Variants in ERC2 observed in about 807,000 individuals in gnomAD.
ERC2 encodes ELKS/RAB6-interacting/CAST family member 2.
A neutral mutation model predicts 114.8 loss-of-function variants in ERC2; 42 were observed. The observed-to-expected ratio is 0.37, with a 90% CI of 0.29 to 0.47. The LOEUF (loss-of-function observed/expected upper bound fraction) is 0.47. ERC2 is among the 20% of genes least tolerant of loss of function. The pLI is 0.99. For missense variants in ERC2, 939 were observed against 1,150.7 expected, an observed-to-expected ratio of 0.82 and a Z score of 2.66; for synonymous variants, 454 against 425.5, an observed-to-expected ratio of 1.07 and a Z score of -0.82.
chr3:56,464,889 A>G (rs550689670), intron 1 of ERC2, among the ~76,000 whole-genome samples: 1 of 152,258 alleles, frequency 6.6e-6, no homozygotes, highest in African/African-American at 2.4e-5. Flanking sequence ...GAAAAAAGAA[A>G]AAAAAAAAGG....
intron 3 of ERC2, among the ~76,000 whole-genome samples, chr3:56,264,028 A>G (rs979774347): frequency 3.9e-5 from 6 of 152,234 alleles, no homozygotes; most frequent in Non-Finnish European, 5.9e-5. Flanking sequence ...GATACATCAC[A>G]TTAACAGAAT....
chr3:55,666,933 TAC>T (rs2061378438), intron 17 of ERC2, among the ~76,000 whole-genome samples: 2 of 144,886 alleles, frequency 1.4e-5, no homozygotes, highest in South Asian at 4.4e-4. Flanking sequence ...CCTATTAATA[TAC>T]ATAATATTAG....
chr3:55,909,402 C>A (rs1244027361), intron 13 of ERC2, among the ~76,000 whole-genome samples: 1 of 152,148 alleles, frequency 6.6e-6, no homozygotes, highest in Non-Finnish European at 1.5e-5. Flanking sequence ...GGTCTTTGTT[C>A]CCAAGAATCT....
intron 17 of ERC2, among the ~76,000 whole-genome samples, chr3:55,601,047 T>G (rs148800820): frequency 6.6e-6 from 1 of 152,254 alleles, no homozygotes; most frequent in African/African-American, 2.4e-5. Context: ...GGACGGGGGC[T>G]GGGGGTAACA....
intron 14 of ERC2, among the ~76,000 whole-genome samples, chr3:55,763,975 T>G (rs1330512442): frequency 1.3e-5 from 2 of 152,256 alleles, no homozygotes; most frequent in African/African-American, 2.4e-5. Context: ...TTTTAGTGCA[T>G]TCACTAACTC....
At chr3:56,029,021 G>C (rs1163870587) in intron 7 of ERC2, among the ~76,000 whole-genome samples, 1 of 151,998 alleles carries the variant, frequency 6.6e-6, no homozygotes, top group Non-Finnish European at 1.5e-5. Context: ...AATGGGTATT[G>C]AATTGTGTAA....
chr3:55,623,981 T>C (rs1403232009), intron 17 of ERC2, among the ~76,000 whole-genome samples: 3 of 152,210 alleles, frequency 2.0e-5, no homozygotes, highest in Non-Finnish European at 2.9e-5. Context: ...TCTTGCTTCA[T>C]GTATGATTGC....
At chr3:55,989,410 T>A (rs2070881455) in intron 11 of ERC2, among the ~76,000 whole-genome samples, 2 of 152,204 alleles carry the variant, frequency 1.3e-5, no homozygotes, top group Admixed American at 1.3e-4. Context: ...CAATTACAGT[T>A]CTGGGGGGCT....
chr3:56,151,022 G>A (rs897652254), intron 4 of ERC2, among the ~76,000 whole-genome samples: 1 of 152,096 alleles, frequency 6.6e-6, no homozygotes, highest in Admixed American at 6.6e-5. Flanking sequence ...GCCAGGAAGA[G>A]AGCCCTCACC....
At chr3:55,835,174 C>T (rs1180715331) in intron 14 of ERC2, among the ~76,000 whole-genome samples, 1 of 152,058 alleles carries the variant, frequency 6.6e-6, no homozygotes, top group Non-Finnish European at 1.5e-5. Flanking sequence ...ACCAGAGGTA[C>T]AAGGAGGAAC....
chr3:55,907,197 G>A (rs1390657869), intron 13 of ERC2, among the ~76,000 whole-genome samples: 1 of 152,198 alleles, frequency 6.6e-6, no homozygotes, highest in Non-Finnish European at 1.5e-5. Flanking sequence ...TTATCAGTAG[G>A]CTAGTAGCTT....
At chr3:56,192,719 G>T (rs1398244375) in intron 3 of ERC2, among the ~76,000 whole-genome samples, 1 of 152,116 alleles carries the variant, frequency 6.6e-6, no homozygotes, top group Non-Finnish European at 1.5e-5. Flanking sequence ...CCTGTACCAG[G>T]TGAATTGTCT....
intron 14 of ERC2, among the ~76,000 whole-genome samples, chr3:55,828,338 T>G (rs549474094): frequency 6.6e-6 from 1 of 152,268 alleles, no homozygotes; most frequent in South Asian, 2.1e-4. Flanking sequence ...TGGGGAAACC[T>G]GTCTTTCTGG....
chr3:56,373,960 T>G (rs1238949416), intron 2 of ERC2, among the ~76,000 whole-genome samples: 1 of 152,222 alleles, frequency 6.6e-6, no homozygotes, highest in Non-Finnish European at 1.5e-5. Flanking sequence ...GGGACTAACT[T>G]GGACCTTTGA....
intron 6 of ERC2, among the ~76,000 whole-genome samples, chr3:56,133,801 G>T (rs1028923638): frequency 6.6e-6 from 1 of 152,174 alleles, no homozygotes; most frequent in African/African-American, 2.4e-5. Context: ...ATCAGCTCTT[G>T]AAATTACGGA....
intron 13 of ERC2, among the ~76,000 whole-genome samples, chr3:55,898,696 G>T (rs898746483): frequency 6.6e-6 from 1 of 152,046 alleles, no homozygotes; most frequent in Non-Finnish European, 1.5e-5. Context: ...GGATGCATAA[G>T]CAAGACAAAG....
chr3:56,334,526 A>T (rs1030416274), intron 2 of ERC2, among the ~76,000 whole-genome samples: 8 of 152,198 alleles, frequency 5.3e-5, no homozygotes, highest in Non-Finnish European at 2.9e-5. Context: ...ATCCTTACAG[A>T]TGCTCTCTTT....
intron 1 of ERC2, among the ~76,000 whole-genome samples, chr3:56,457,079 C>G (rs1318108839): frequency 6.6e-6 from 1 of 152,202 alleles, no homozygotes; most frequent in Non-Finnish European, 1.5e-5. Context: ...TTCTCAGACC[C>G]CTTTCAGAAG....
intron 14 of ERC2, among the ~76,000 whole-genome samples, chr3:55,883,178 A>G (rs1281021332): frequency 6.6e-6 from 1 of 152,218 alleles, no homozygotes; most frequent in African/African-American, 2.4e-5. Flanking sequence ...AGTGCCTACC[A>G]TGTGACAGAT....
Sources: allele counts gnomAD v4.1 joint callset (sites outside exome capture counted in the v4.1 genomes callset), GRCh38; gene constraint gnomAD v4.1.1; transcripts MANE v1.5; gene names NCBI Gene and HGNC (gene_info 2026-07-23, HGNC 2026-07-21).